PCDHGB3: variants seen among roughly 807,000 people sequenced by gnomAD.
The protein encoded by PCDHGB3 is protocadherin gamma-B3.
PCDHGB3 carries 40 observed loss-of-function variants against 59.2 expected under a neutral mutation model. That is an observed-to-expected ratio of 0.68 (90% CI 0.52 to 0.88). The LOEUF is 0.88. Ranked by LOEUF, PCDHGB3 falls within the 40% of genes least tolerant of loss-of-function variation. The pLI is 0.00. For synonymous variants in PCDHGB3, 581 were observed against 503.6 expected, an observed-to-expected ratio of 1.15 and a Z score of -2.06; for missense variants, 1,309 against 1,187.9, an observed-to-expected ratio of 1.10 and a Z score of -1.50.
intron 1 of PCDHGB3, among the ~76,000 whole-genome samples, chr5:141,480,615 AT>A (rs1279544819): frequency 2.0e-5 from 3 of 152,218 alleles, no homozygotes; most frequent in African/African-American, 7.2e-5. Context: ...AGCAACTGGC[AT>A]TTTCCCTAGA....
chr5:141,419,566 C>T (rs765992004), intron 1 of PCDHGB3: 4 of 1,611,790 alleles, frequency 2.5e-6, no homozygotes, highest in East Asian at 2.2e-5. Flanking sequence ...CGCTGGGTCC[C>T]GACGGCTCCG....
intron 1 of PCDHGB3, chr5:141,374,662 G>C (rs1378135258): frequency 6.2e-7 from 1 of 1,611,648 alleles, no homozygotes; most frequent in South Asian, 1.1e-5. Flanking sequence ...AGTACCCGGA[G>C]CTGGTGCTGG....
At chr5:141,376,530 G>A (rs200613052) in intron 1 of PCDHGB3, 1 of 1,613,668 alleles carries the variant, frequency 6.2e-7, no homozygotes, top group Admixed American at 1.7e-5. Context: ...CCGCCTAAGC[G>A]GGAAGAGTAA....
In PCDHGB3 at chr5:141,375,320, G is replaced by A. The variant is rs1338614455; in HGVS notation, c.2415+2511G>A. On this transcript the variant is annotated intron_variant, in intron 1 of 3. Coordinates refer to ENST00000576222, the MANE Select transcript of PCDHGB3 (RefSeq NM_018924.5). ...AGTGACAAATGCAGCTCTAGACCGG[G>A]AAGAGGTATTCTTGTACAACATCAC... is the stretch of plus-strand genomic sequence containing the variant. The A allele has an allele frequency of 6.2e-7, 1 of 1,613,688 alleles. No homozygotes were observed. The highest frequency in any genetic ancestry group is 2.2e-5 in the East Asian group (1 of 44,890).
At position 141,404,162 on chromosome 5, in the gene PCDHGB3, T is replaced by C. The variant is rs768188662; in HGVS notation, c.2415+31353T>C. The C allele has an allele frequency of 2.0e-5, 33 of 1,613,076 alleles. No homozygotes were observed. In the East Asian group the frequency reaches 7.4e-4, roughly 36 times the overall value. ...AAATTCAGAAGAAGATTATTACAGA[T>C]TGTTGACGGCCCAAATTCTTGACCG... On this transcript the variant is annotated intron_variant, in intron 1 of 3. Transcript: ENST00000576222.
intron 1 of PCDHGB3, chr5:141,421,422 C>T (rs908483513): frequency 6.2e-7 from 1 of 1,614,086 alleles, no homozygotes; most frequent in Non-Finnish European, 8.5e-7. Flanking sequence ...AGCGCGGAGT[C>T]CGCATCGTCT....
intron 2 of PCDHGB3, among the ~76,000 whole-genome samples, chr5:141,497,023 G>A (rs1271608156): frequency 1.3e-5 from 2 of 151,912 alleles, no homozygotes; most frequent in Non-Finnish European, 2.9e-5. Flanking sequence ...ACCCCATCTC[G>A]ATTAAAAATA....
intron 1 of PCDHGB3, chr5:141,479,339 G>GTA (rs1298553162): frequency 1.3e-5 from 2 of 152,644 alleles, no homozygotes; most frequent in East Asian, 3.8e-4. Context: ...GTGTGCACCT[G>GTA]TAGTTCTTGC....
At chr5:141,420,050 C>T in intron 1 of PCDHGB3, 1 of 1,614,076 alleles carries the variant, frequency 6.2e-7, no homozygotes, top group Non-Finnish European at 8.5e-7. Flanking sequence ...TGAGTCAGTT[C>T]TCTGCTCCAA....
intron 1 of PCDHGB3, chr5:141,404,343 A>G (rs2094516679): frequency 3.1e-6 from 5 of 1,613,902 alleles, no homozygotes; most frequent in Non-Finnish European, 4.2e-6. Flanking sequence ...CTCCCGGAAA[A>G]CAACGCCAGA....
At position 141,487,565 on chromosome 5, in the gene PCDHGB3, G is replaced by A. The variant is rs1473034794; in HGVS notation, c.2416-7242G>A. ...GTCACCCAGTGCACCTATGGCAGGGGAGCCTGTTCGCCCAAGCTGCCCACC... is the reference window on the plus strand; with the variant it reads ...GTCACCCAGTGCACCTATGGCAGGGAAGCCTGTTCGCCCAAGCTGCCCACC... On this transcript the variant is annotated intron_variant, in intron 1 of 3. Transcript: ENST00000576222. This position sits in a 1 kb window ranked among gnomAD's most constrained non-coding sequence, Gnocchi z 5.0. The A allele has an allele frequency of 6.2e-7, 1 of 1,614,164 alleles. No individual in the cohort carries two copies. Among genetic ancestry groups the A allele is most frequent in the East Asian group, 2.2e-5 (1 of 44,856 alleles).
rs191909737 is a variant in PCDHGB3 at position 141,405,622 on chromosome 5, G to A, written c.2415+32813G>A. 9.3e-3 allele frequency: 5,090 copies of A among 544,656 alleles called. 46 individuals are homozygous for A. The highest frequency in any genetic ancestry group is 0.017 in the Admixed American group (494 of 29,130). The allele number at this position is 544,656 out of a possible 1,614,324, so 33.7% of individuals were successfully genotyped here. On this transcript the variant is annotated intron_variant, in intron 1 of 3. Transcript: ENST00000576222. ...GTAGAATAACTGGGACTACAGGCAC[G>A]TGCCACCACGCCCGGCTAATTTTTT...
At chr5:141,394,962 A>C (rs971000405) in intron 1 of PCDHGB3, 1 of 1,613,828 alleles carries the variant, frequency 6.2e-7, no homozygotes, top group Non-Finnish European at 8.5e-7. Context: ...GCTCAGGCTG[A>C]GGCGCTGGCA....
chr5:141,508,971 T>C (rs776443205), intron 3 of PCDHGB3, among the ~76,000 whole-genome samples: 14 of 152,004 alleles, frequency 9.2e-5, no homozygotes, highest in Non-Finnish European at 2.1e-4. Context: ...ATGAAAGGGC[T>C]GGGGGTGGGG....
intron 1 of PCDHGB3, chr5:141,410,295 T>G (rs1043971768): frequency 9.3e-6 from 15 of 1,613,864 alleles, no homozygotes; most frequent in Non-Finnish European, 1.3e-5. Context: ...GCCTTGGCCT[T>G]AATCTCAGTG....
intron 1 of PCDHGB3, chr5:141,375,668 C>T: frequency 2.5e-6 from 4 of 1,614,258 alleles, no homozygotes; most frequent in Non-Finnish European, 3.4e-6. Context: ...GAGAGACCTA[C>T]AGCTGTGGGT....
intron 1 of PCDHGB3, chr5:141,375,434 A>G (rs1423365367): frequency 1.9e-6 from 3 of 1,613,800 alleles, no homozygotes; most frequent in Non-Finnish European, 2.5e-6. Flanking sequence ...CAACCCGCCC[A>G]CCTTCCCCCA....
intron 1 of PCDHGB3, chr5:141,387,787 A>C (rs2091094069): frequency 6.1e-6 from 9 of 1,479,268 alleles, no homozygotes; most frequent in Non-Finnish European, 1.8e-6. Context: ...CTGGAACTGC[A>C]ACTAAAGTCC....
At chr5:141,458,485 A>G (rs2098946793) in intron 1 of PCDHGB3, among the ~76,000 whole-genome samples, 1 of 151,558 alleles carries the variant, frequency 6.6e-6, no homozygotes, top group Non-Finnish European at 1.5e-5. Context: ...GAAAATGAGG[A>G]CTGCCTGTAC....
Sources: gnomAD v4.1 joint callset for allele counts (sites outside exome capture counted in the v4.1 genomes callset) on GRCh38, gnomAD v4.1.1 for gene constraint, Gnocchi (gnomAD v3.1) non-coding constraint, MANE v1.5 for transcripts, NCBI Gene and HGNC (gene_info 2026-07-23, HGNC 2026-07-21) for gene names.